FHIT: variants seen among roughly 807,000 people sequenced by gnomAD.
The protein encoded by FHIT is bis(5'-adenosyl)-triphosphatase.
Under a neutral mutation model 17.9 loss-of-function variants are expected in FHIT, and 19 were observed. That is an observed-to-expected ratio of 1.06 (90% CI 0.74 to 1.56). The LOEUF (loss-of-function observed/expected upper bound fraction) is 1.56. FHIT is among the 40% of genes most tolerant of loss of function. FHIT has a pLI of 0.00. For synonymous variants in FHIT, 81 were observed against 69.7 expected, an observed-to-expected ratio of 1.16 and a Z score of -0.81; for missense variants, 248 against 189.2, an observed-to-expected ratio of 1.31 and a Z score of -1.82.
At chr3:61,154,523 C>A (rs2037480882) in intron 2 of FHIT, among the ~76,000 whole-genome samples, 1 of 152,110 alleles carries the variant, frequency 6.6e-6, no homozygotes, top group Non-Finnish European at 1.5e-5. Context: ...ATTAGACCTG[C>A]AATGCATTTG....
chr3:61,015,319 A>G (rs1466237380), intron 3 of FHIT, among the ~76,000 whole-genome samples: 1 of 152,118 alleles, frequency 6.6e-6, no homozygotes. Flanking sequence ...TGTAACTTTC[A>G]GTGGTTCTTG....
chr3:59,969,861 T>C (rs529399151), intron 7 of FHIT, among the ~76,000 whole-genome samples: 7 of 152,222 alleles, frequency 4.6e-5, no homozygotes, highest in Non-Finnish European at 8.8e-5. Flanking sequence ...AAATTGTCTA[T>C]AATAAGTCCA....
At chr3:60,000,541 G>T (rs1055997747) in intron 7 of FHIT, among the ~76,000 whole-genome samples, 1 of 152,118 alleles carries the variant, frequency 6.6e-6, no homozygotes, top group South Asian at 2.1e-4. Flanking sequence ...TCTGCACCTG[G>T]AGCTAAAGAT....
intron 4 of FHIT, among the ~76,000 whole-genome samples, chr3:60,709,632 T>A (rs1241136479): frequency 6.6e-6 from 1 of 152,210 alleles, no homozygotes; most frequent in Non-Finnish European, 1.5e-5. Flanking sequence ...ATTATGCAGA[T>A]CTTCCAAATG....
chr3:60,790,619 A>G (rs1256525685), intron 4 of FHIT, among the ~76,000 whole-genome samples: 3 of 151,244 alleles, frequency 2.0e-5, no homozygotes, highest in Non-Finnish European at 4.4e-5. Flanking sequence ...CATTACCACC[A>G]CTCCTCTGAA....
chr3:60,040,837 A>T lies in FHIT; in HGVS notation c.104-26685T>A, dbSNP rs1408563524. ...GACATGATTTCTGTTTCTTTGAGAG[A>T]TTCAAGACTGGATTTCCTTTTAATT... On this transcript the variant is annotated intron_variant, in intron 5 of 9. Coordinates refer to ENST00000492590, the MANE Select transcript of FHIT (RefSeq NM_002012.4). 2.0e-5 allele frequency among the ~76,000 whole-genome samples: 3 copies of T among 152,172 alleles called. No homozygotes were observed. The East Asian group carries it at 5.8e-4, about 30-fold the overall frequency.
chr3:59,994,405 G>A (rs1368281661), intron 7 of FHIT, among the ~76,000 whole-genome samples: 1 of 152,012 alleles, frequency 6.6e-6, no homozygotes, highest in Admixed American at 6.6e-5. Context: ...AATCACAGAA[G>A]AAGTTCTCTT....
chr3:60,154,354 G>C (rs1349242586), intron 5 of FHIT, among the ~76,000 whole-genome samples: 1 of 152,162 alleles, frequency 6.6e-6, no homozygotes, highest in African/African-American at 2.4e-5. Flanking sequence ...AACAGGCCAT[G>C]GTAGGGATGG....
chr3:60,404,918 C>T (rs892494982), intron 5 of FHIT, among the ~76,000 whole-genome samples: 1 of 152,078 alleles, frequency 6.6e-6, no homozygotes, highest in African/African-American at 2.4e-5. Context: ...AGTTTCTGAA[C>T]GATCATTAAA....
chr3:59,911,770 C>T (rs1704889893), intron 8 of FHIT, among the ~76,000 whole-genome samples: 1 of 152,144 alleles, frequency 6.6e-6, no homozygotes, highest in Non-Finnish European at 1.5e-5. Context: ...AGTGGGGAGA[C>T]TTGCAGCTGA....
At chr3:60,116,774 C>T (rs930753408) in intron 5 of FHIT, among the ~76,000 whole-genome samples, 9 of 152,212 alleles carry the variant, frequency 5.9e-5, no homozygotes, top group South Asian at 2.1e-4. Context: ...CACACCATGA[C>T]GCAAATGACT....
intron 4 of FHIT, among the ~76,000 whole-genome samples, chr3:60,778,252 C>T (rs1258004970): frequency 6.6e-6 from 1 of 152,114 alleles, no homozygotes; most frequent in Non-Finnish European, 1.5e-5. Flanking sequence ...CTTTGTCAGT[C>T]GTGTTTCTAA....
chr3:61,064,190 G>A (rs907539392), intron 2 of FHIT, among the ~76,000 whole-genome samples: 1 of 152,022 alleles, frequency 6.6e-6, no homozygotes, highest in African/African-American at 2.4e-5. Flanking sequence ...AAAGATATCT[G>A]CTAAGAGACT....
chr3:61,232,362 G>A (rs552512841), intron 1 of FHIT, among the ~76,000 whole-genome samples: 1 of 152,336 alleles, frequency 6.6e-6, no homozygotes, highest in South Asian at 2.1e-4. Flanking sequence ...ACTTCAGCCT[G>A]AGGGACAGAG....
rs568615313 is a variant in FHIT, at chr3:60,900,662, T to C, written c.-110-78651A>G. On this transcript the variant is annotated intron_variant, in intron 3 of 9. Transcript: ENST00000492590. ...AACCTTAAAGTCATTGAAGAAATACTGAAAAATTGGAAAGTAGGTATATTA... is the reference window on the plus strand; with the variant it reads ...AACCTTAAAGTCATTGAAGAAATACCGAAAAATTGGAAAGTAGGTATATTA... 1.3e-4 allele frequency among the ~76,000 whole-genome samples: 20 copies of C among 152,254 alleles called. No homozygotes were observed. The South Asian group carries it at 4.1e-3, about 32-fold the overall frequency.
chr3:60,098,121 G>A (rs1256024266), intron 5 of FHIT, among the ~76,000 whole-genome samples: 1 of 145,028 alleles, frequency 6.9e-6, no homozygotes, highest in Admixed American at 7.1e-5. Flanking sequence ...ATCCTTGTTG[G>A]ACATTTGGGT....
At chr3:60,359,502 A>T (rs927259680) in intron 5 of FHIT, among the ~76,000 whole-genome samples, 1 of 151,910 alleles carries the variant, frequency 6.6e-6, no homozygotes, top group African/African-American at 2.4e-5. Context: ...GATGGTCTCA[A>T]TCTCTTGACC....
chr3:60,182,895 C>G (rs1433106672), intron 5 of FHIT, among the ~76,000 whole-genome samples: 2 of 132,836 alleles, frequency 1.5e-5, no homozygotes, highest in East Asian at 2.1e-4. Context: ...AAAACAAAGT[C>G]AAAAAATAAT....
chr3:60,722,671 G>A (rs755555205), intron 4 of FHIT, among the ~76,000 whole-genome samples: 2 of 150,200 alleles, frequency 1.3e-5, no homozygotes, highest in Non-Finnish European at 3.0e-5. Flanking sequence ...CCTCTTGGGG[G>A]AAAAATCATA....
Sources: allele counts gnomAD v4.1 joint callset (sites outside exome capture counted in the v4.1 genomes callset), GRCh38; gene constraint gnomAD v4.1.1; transcripts MANE v1.5; gene names NCBI Gene and HGNC (gene_info 2026-07-23, HGNC 2026-07-21).